The following THSD4 variants were observed in gnomAD, a reference collection of about 807,000 sequenced individuals.
THSD4 encodes thrombospondin type 1 domain containing 4.
A neutral mutation model predicts 119.0 loss-of-function variants in THSD4; 69 were observed. The observed-to-expected ratio is 0.58, with a 90% CI of 0.48 to 0.71. The LOEUF (loss-of-function observed/expected upper bound fraction) is 0.71, where lower values mean the gene tolerates loss of function less well. THSD4 is among the 30% of genes least tolerant of loss of function. The probability of loss-of-function intolerance (pLI) is 0.00; values close to 1 mark genes in which losing one functional copy is unlikely to be tolerated. For synonymous variants in THSD4, 524 were observed against 540.4 expected (o/e 0.97, Z 0.42); for missense variants, 1,393 against 1,391.1 (o/e 1.00, Z -0.02).
chr15:71,230,227 G>A (rs578143508), intron 4 of THSD4, among the ~76,000 whole-genome samples: 2 of 152,224 alleles, frequency 1.3e-5, no homozygotes, highest in East Asian at 1.9e-4. Flanking sequence ...TCTAACCCCC[G>A]TAGTCCTGGA....
chr15:71,479,702 G>A (rs897747688), intron 7 of THSD4, among the ~76,000 whole-genome samples: 5 of 151,966 alleles, frequency 3.3e-5, no homozygotes, highest in Admixed American at 6.6e-5. Flanking sequence ...TTAAAAGTAC[G>A]TACCCTTCAC....
At chr15:71,709,051 A>G (rs909887043) in intron 8 of THSD4, among the ~76,000 whole-genome samples, 2 of 152,182 alleles carry the variant, frequency 1.3e-5, no homozygotes, top group Admixed American at 6.5e-5. Flanking sequence ...TACAGATCAC[A>G]AAATGGATTA....
intron 7 of THSD4, among the ~76,000 whole-genome samples, chr15:71,441,710 A>C (rs1474464008): frequency 6.6e-6 from 1 of 150,916 alleles, no homozygotes; most frequent in African/African-American, 2.4e-5. Flanking sequence ...TAGAACTTTA[A>C]GAAGATATAG....
At chr15:71,743,995 G>A (rs568919940) in intron 11 of THSD4, among the ~76,000 whole-genome samples, 1 of 152,190 alleles carries the variant, frequency 6.6e-6, no homozygotes, top group African/African-American at 2.4e-5. Context: ...TACTGGCCTG[G>A]ACTGTGGGGA....
intron 8 of THSD4, among the ~76,000 whole-genome samples, chr15:71,699,014 G>A (rs2052227706): frequency 6.6e-6 from 1 of 152,082 alleles, no homozygotes; most frequent in Non-Finnish European, 1.5e-5. Flanking sequence ...AGGGCTTACA[G>A]TTAACAATAC....
At chr15:71,341,601 C>T in intron 6 of THSD4, 1 of 1,591,120 alleles carries the variant, frequency 6.3e-7, no homozygotes, top group Non-Finnish European at 8.6e-7. Flanking sequence ...ATATGCATAC[C>T]CTTGATGGCC....
At position 71,500,222 on chromosome 15, in the gene THSD4, C is replaced by T. The variant is rs573383167; in HGVS notation, c.1152+88399C>T. Among the ~76,000 whole-genome samples, 12 of 152,102 alleles carry T rather than the reference C, an allele frequency of 7.9e-5. No individual in the cohort carries two copies. The South Asian group carries it at 2.3e-3, about 29-fold the overall frequency. ...TTCATTGTGGTTTTGATTTGTATTT[C>T]CTTGATAATTAATTTTGAACACCTT... On this transcript the variant is annotated intron_variant, in intron 7 of 17. Transcript: ENST00000261862.
At chr15:71,476,181 A>C (rs182960654) in intron 7 of THSD4, among the ~76,000 whole-genome samples, 4 of 152,304 alleles carry the variant, frequency 2.6e-5, no homozygotes, top group Admixed American at 2.6e-4. Context: ...TAGCTGGGAT[A>C]ATTGTTTGCC....
chr15:71,484,225 G>A (rs2047779631), intron 7 of THSD4, among the ~76,000 whole-genome samples: 1 of 152,150 alleles, frequency 6.6e-6, no homozygotes, highest in South Asian at 2.1e-4. Flanking sequence ...TCCCTCTGCT[G>A]ATTTTACTGA....
intron 1 of THSD4, among the ~76,000 whole-genome samples, chr15:71,103,320 T>C (rs1169997762): frequency 6.6e-6 from 1 of 152,238 alleles, no homozygotes; most frequent in Non-Finnish European, 1.5e-5. Context: ...GACTGGGGTC[T>C]ACCTTGCAGT....
At chr15:71,660,981 C>T (rs1261798060) in intron 8 of THSD4, among the ~76,000 whole-genome samples, 1 of 152,162 alleles carries the variant, frequency 6.6e-6, no homozygotes, top group Non-Finnish European at 1.5e-5. Flanking sequence ...CTTTGCTTTT[C>T]CCAAGAGAAA....
intron 16 of THSD4, among the ~76,000 whole-genome samples, chr15:71,768,615 A>G (rs2140238542): frequency 7.6e-6 from 1 of 130,824 alleles, no homozygotes; most frequent in Admixed American, 9.5e-5. Flanking sequence ...CCCAGGCTGG[A>G]ATGCAGTAGC....
chr15:71,221,589 G>A (rs1470182617), intron 4 of THSD4, among the ~76,000 whole-genome samples: 2 of 152,114 alleles, frequency 1.3e-5, no homozygotes, highest in South Asian at 2.1e-4. Flanking sequence ...ATGTCCTCAA[G>A]GTTTATTCCA....
intron 7 of THSD4, 184 bp from the exon 8 acceptor site, chr15:71,660,346 C>A: frequency 1.5e-6 from 1 of 651,288 alleles, no homozygotes; most frequent in Non-Finnish European, 2.6e-6. Flanking sequence ...TCATTTACCA[C>A]CACCAAACAA....
chr15:71,677,628 A>G (rs1241215397), intron 8 of THSD4, among the ~76,000 whole-genome samples: 1 of 152,136 alleles, frequency 6.6e-6, no homozygotes, highest in Non-Finnish European at 1.5e-5. Context: ...GCTTTCAGAT[A>G]TGCTGGAACG....
chr15:71,765,456 G>T (rs2053699439), intron 16 of THSD4, among the ~76,000 whole-genome samples: 1 of 152,198 alleles, frequency 6.6e-6, no homozygotes, highest in Admixed American at 6.5e-5. Context: ...ATCATCTGAG[G>T]ATCTTGTTTG....
chr15:71,345,439 G>A (rs2045642262), intron 6 of THSD4, among the ~76,000 whole-genome samples: 1 of 152,244 alleles, frequency 6.6e-6, no homozygotes, highest in South Asian at 2.1e-4. Flanking sequence ...CGGAGCTGGT[G>A]CCGTCTGAAA....
At chr15:71,278,319 C>T (rs1166944507) in intron 6 of THSD4, among the ~76,000 whole-genome samples, 1 of 152,114 alleles carries the variant, frequency 6.6e-6, no homozygotes, top group Non-Finnish European at 1.5e-5. Context: ...CCTCAGCCTC[C>T]CAAGTAGCTG....
At chr15:71,770,614 C>T (rs934844199) in intron 16 of THSD4, among the ~76,000 whole-genome samples, 6 of 151,572 alleles carry the variant, frequency 4.0e-5, no homozygotes, top group African/African-American at 1.5e-4. Context: ...GAGATCACGC[C>T]ACTGCACTCC....
Sources: gnomAD v4.1 joint callset for allele counts (sites outside exome capture counted in the v4.1 genomes callset) on GRCh38, gnomAD v4.1.1 for gene constraint, MANE v1.5 for transcripts, NCBI Gene and HGNC (gene_info 2026-07-23, HGNC 2026-07-21) for gene names.